The following CLTCL1 variants were observed in gnomAD, a reference collection of about 807,000 sequenced individuals.
CLTCL1 encodes clathrin heavy chain like 1.
In CLTCL1, 159 loss-of-function variants were observed where a neutral mutation model predicts 190.0. The ratio of observed to expected loss-of-function variants is 0.84; its 90% confidence interval spans 0.74 to 0.95. The LOEUF (loss-of-function observed/expected upper bound fraction) is 0.95. Among genes scored for constraint, CLTCL1 ranks in the 40% least tolerant of loss-of-function variants. CLTCL1 has a pLI of 0.00. For missense variants in CLTCL1, 1,878 were observed against 2,033.4 expected (o/e 0.92, Z 1.47); for synonymous variants, 752 against 769.6 (o/e 0.98, Z 0.38).
intron 3 of CLTCL1, among the ~76,000 whole-genome samples, chr22:19,248,288 A>C (rs1249580577): frequency 6.6e-6 from 1 of 150,646 alleles, no homozygotes. Flanking sequence ...CAAGAGCAAA[A>C]CTCGGTCTCA....
At chr22:19,213,455 T>G (rs1454969394) in intron 19 of CLTCL1, among the ~76,000 whole-genome samples, 1 of 152,216 alleles carries the variant, frequency 6.6e-6, no homozygotes, top group African/African-American at 2.4e-5. Flanking sequence ...TGATTGGGTA[T>G]GTTTAAACAA....
At chr22:19,226,166 C>T in intron 12 of CLTCL1, 53 bp downstream of exon 12, 1 of 1,577,118 alleles carries the variant, frequency 6.3e-7, no homozygotes, top group Non-Finnish European at 8.7e-7. Context: ...GAGCATGTGA[C>T]ATTAATTGCA....
intron 19 of CLTCL1, among the ~76,000 whole-genome samples, chr22:19,214,224 C>A (rs1457971707): frequency 6.6e-6 from 1 of 152,180 alleles, no homozygotes; most frequent in Admixed American, 6.5e-5. Flanking sequence ...AGCAGGGGCA[C>A]GTCAGAGGTC....
At chr22:19,283,446 A>G (rs891724154) in intron 1 of CLTCL1, among the ~76,000 whole-genome samples, 39 of 151,510 alleles carry the variant, frequency 2.6e-4, no homozygotes, top group Non-Finnish European at 3.7e-4. Flanking sequence ...GCACCTGGCT[A>G]ATTTTTGTAT....
In CLTCL1 at chr22:19,208,237, G is replaced by A. The variant is rs1555944128; in HGVS notation, c.3517C>T (p.Leu1173Phe). 2 of 1,613,818 alleles carry A rather than the reference G, an allele frequency of 1.2e-6. No homozygotes were observed. The highest frequency in any genetic ancestry group is 2.2e-5 in the East Asian group (1 of 44,886). The change falls in exon 22 of 33, where the codon CTT becomes TTT. Residue 1173 changes from leucine (L) to phenylalanine (F), a missense_variant. By Grantham distance (22) the Leu-to-Phe change is conservative. Coordinates refer to ENST00000427926, the MANE Select transcript of CLTCL1 (RefSeq NM_007098.4). Reference sequence around the variant, plus strand: ...CTGGTTTTAGCCAAGGCAAAAATAAGTTCAGTCTCTATATAGGACTCACGG... The same window carrying A: ...CTGGTTTTAGCCAAGGCAAAAATAAATTCAGTCTCTATATAGGACTCACGG... ...KGRESYIETE[L>F]IFALAKTSRV...
Position 19,180,306 on chromosome 22 carries a change from G to C in CLTCL1, c.4904-68C>G, listed in dbSNP as rs907873779. The C allele has an allele frequency of 4.0e-5, 61 of 1,525,824 alleles. No homozygotes were observed. In the African/African-American group the frequency reaches 7.2e-4, roughly 18 times the overall value. The allele number at this position is 1,525,824 out of a possible 1,614,324, so 94.5% of individuals were successfully genotyped here. A position where few individuals can be genotyped will look rare whatever the true frequency, so the allele number is the denominator to read the frequency against. Reference sequence around the variant, plus strand: ...AGCCGGACGCTGGAGACCCGCCGGCGTGCTGCACACTCACACCACACCCTC... The same window carrying C: ...AGCCGGACGCTGGAGACCCGCCGGCCTGCTGCACACTCACACCACACCCTC... On this transcript the variant is annotated intron_variant, in intron 31 of 32. Coordinates refer to ENST00000427926, the MANE Select transcript of CLTCL1 (RefSeq NM_007098.4).
chr22:19,180,208 T>A lies in CLTCL1; in HGVS notation c.*11A>T. 6.2e-7 allele frequency: 1 copy of A among 1,613,668 alleles called. No homozygotes were observed. ...CAAATGGGACACTTACTTAGTGCAA[T>A]CAGCTGGGTCTCATTCATGCCCATC... On this transcript the variant is annotated 3_prime_UTR_variant, in exon 32 of 33. Coordinates refer to ENST00000427926, the MANE Select transcript of CLTCL1 (RefSeq NM_007098.4).
chr22:19,260,492 T>C (rs1555974899), intron 2 of CLTCL1, among the ~76,000 whole-genome samples: 1 of 148,804 alleles, frequency 6.7e-6, no homozygotes, highest in African/African-American at 2.6e-5. Flanking sequence ...TTATGCTAAA[T>C]TGACTGGGCG....
rs1478599223 is a variant in CLTCL1 at position 19,198,488 on chromosome 22, C to T, written c.3873+1246G>A. On this transcript the variant is annotated intron_variant, in intron 24 of 32. Coordinates refer to ENST00000427926, the MANE Select transcript of CLTCL1 (RefSeq NM_007098.4). This position sits in a 1 kb window ranked among gnomAD's most constrained non-coding sequence, Gnocchi z 4.1. ...GCCTGAGATCTGGCCCTCCGTCAGC[C>T]TCTCTGCCCCATCTCTGGCTCCAGC... is the stretch of plus-strand genomic sequence containing the variant. Among the ~76,000 whole-genome samples the T allele has an allele frequency of 2.0e-5, 3 of 152,220 alleles. No homozygotes were observed. The highest frequency in any genetic ancestry group is 6.5e-5 in the Admixed American group (1 of 15,280).
At chr22:19,205,905 A>G (rs2085033109) in intron 22 of CLTCL1, among the ~76,000 whole-genome samples, 2 of 149,256 alleles carry the variant, frequency 1.3e-5, no homozygotes, top group South Asian at 4.3e-4. Context: ...ACCTTTCAAA[A>G]CTTTAACTTA....
chr22:19,224,051 A>G lies in CLTCL1; in HGVS notation c.2132T>C (p.Leu711Pro), dbSNP rs1555954300. Reference protein sequence around the residue: ...LFESFKSYKGLFYFLGSIVNF... With the variant: ...LFESFKSYKGPFYFLGSIVNF... ...CACGATTGAGCCCAGGAAGTAGAAG[A>G]GGCCTATGAAGAGAGACCATTCCAT... The change falls in exon 14 of 33, where the codon CTC (leucine) becomes CCC (proline). Residue 711 changes from leucine to proline, a missense_variant. Coordinates refer to ENST00000427926, the MANE Select transcript of CLTCL1 (RefSeq NM_007098.4). The G allele has an allele frequency of 1.2e-6, 2 of 1,613,938 alleles. No homozygotes were observed. Among genetic ancestry groups the G allele is most frequent in the Admixed American group, 1.7e-5 (1 of 60,014 alleles).
intron 24 of CLTCL1, among the ~76,000 whole-genome samples, chr22:19,197,039 T>G (rs2084733540): frequency 6.6e-6 from 1 of 152,148 alleles, no homozygotes; most frequent in Non-Finnish European, 1.5e-5. Context: ...TCAACTCCAC[T>G]CACGATGCCA....
At chr22:19,205,009 T>C (rs142129111) in intron 22 of CLTCL1, among the ~76,000 whole-genome samples, 1,845 of 152,238 alleles carry the variant, frequency 0.012, 35 homozygotes, top group African/African-American at 0.039. Context: ...CAGAGGGGGA[T>C]TGGGGGCAAG....
At chr22:19,265,379 G>C (rs1015314145) in intron 2 of CLTCL1, among the ~76,000 whole-genome samples, 47 of 152,098 alleles carry the variant, frequency 3.1e-4, no homozygotes, top group African/African-American at 1.1e-3. Flanking sequence ...GAAATAAAGA[G>C]CACTGGATAT....
chr22:19,179,832 G>T lies in CLTCL1; in HGVS notation c.*158C>A, dbSNP rs1555924840. ...CTGCTGGAGTGACATGCTCCTTGGA[G>T]AAGTTAGTAACTCTGCAGGTAGGGT... On this transcript the variant is annotated 3_prime_UTR_variant, in exon 33 of 33. Transcript: ENST00000427926. 1 of 290,994 alleles carries T rather than the reference G, an allele frequency of 3.4e-6. No individual in the cohort carries two copies. The highest frequency in any genetic ancestry group is 6.6e-6 in the Non-Finnish European group (1 of 152,608). 18.0% of individuals were successfully genotyped at this position (290,994 alleles called of 1,614,324 possible). A position where few individuals can be genotyped will look rare whatever the true frequency, so the allele number is the denominator to read the frequency against.
chr22:19,205,550 C>T (rs1555942303), intron 22 of CLTCL1, among the ~76,000 whole-genome samples: 1 of 152,074 alleles, frequency 6.6e-6, no homozygotes, highest in African/African-American at 2.4e-5. Context: ...CAGACATTGG[C>T]TTTTGATTTT....
At chr22:19,242,096 C>A (rs782674190) in intron 4 of CLTCL1, among the ~76,000 whole-genome samples, 2 of 151,778 alleles carry the variant, frequency 1.3e-5, no homozygotes, top group Non-Finnish European at 2.9e-5. Flanking sequence ...GCGCACACAG[C>A]CAGGCCCGGC....
At chr22:19,199,043 GCCC>G (rs1175392302) in intron 24 of CLTCL1, among the ~76,000 whole-genome samples, 11 of 152,262 alleles carry the variant, frequency 7.2e-5, no homozygotes, top group African/African-American at 2.6e-4. Context: ...GCTGGTGCGA[GCCC>G]CTCCAGACAA....
Position 19,242,902 on chromosome 22 carries a change from G to A in CLTCL1, c.554C>T (p.Ser185Phe). 6.2e-7 allele frequency: 1 copy of A among 1,613,920 alleles called. No individual in the cohort carries two copies. Among genetic ancestry groups the A allele is most frequent in the East Asian group, 2.2e-5 (1 of 44,888 alleles). ...NRVVGAMQLY[S>F]VDRKVSQPIE... ...GGGTTGTGAAACCTTCCTATCCACA[G>A]AGTAGAGCTGCATTGCTCCAACCAC... Residue 185 changes from serine (S) to phenylalanine (F), a missense_variant, in exon 4 of 33, where the codon TCT becomes TTT. Ser to Phe is a radical substitution (Grantham distance 155, BLOSUM62 -2). Transcript: ENST00000427926.
Sources: allele counts gnomAD v4.1 joint callset (sites outside exome capture counted in the v4.1 genomes callset), GRCh38; gene constraint gnomAD v4.1.1; non-coding constraint Gnocchi (gnomAD v3.1); transcripts MANE v1.5; gene names NCBI Gene and HGNC (gene_info 2026-07-23, HGNC 2026-07-21).